The following YWHAZ variants were observed in gnomAD, a reference collection of about 807,000 sequenced individuals.
The protein encoded by YWHAZ is 14-3-3 protein zeta/delta.
For synonymous variants in YWHAZ, 87 were observed against 103.6 expected (o/e 0.84, Z 0.97); for missense variants, 79 against 284.8 (o/e 0.28, Z 5.20).
At chr8:100,949,771 C>A (rs1810573491) in intron 1 of YWHAZ, among the ~76,000 whole-genome samples, 1 of 152,238 alleles carries the variant, frequency 6.6e-6, no homozygotes, top group Non-Finnish European at 1.5e-5. Flanking sequence ...TGTTACCACT[C>A]AAGCTGTCCT....
chr8:100,951,354 G>A, intron 1 of YWHAZ: 6 of 984,642 alleles, frequency 6.1e-6, no homozygotes, highest in Non-Finnish European at 7.2e-6. Flanking sequence ...TCCCGGGGTG[G>A]GGGAGGGCCG....
At chr8:100,947,081 G>A (rs1204180033) in intron 2 of YWHAZ, among the ~76,000 whole-genome samples, 12 of 150,668 alleles carry the variant, frequency 8.0e-5, no homozygotes, top group Non-Finnish European at 1.8e-4. Context: ...GTGAAACCCC[G>A]TCTCTACTAA....
Position 100,928,468 on chromosome 8 carries a change from A to T in YWHAZ, c.295-3429T>A, listed in dbSNP as rs143972039. ...CATTTTCTGCCAGGTGTGGTGGTTC[A>T]TGCCTATAATCCCAGCACTTTGGGA... On this transcript the variant is annotated intron_variant, in intron 2 of 5. Transcript: ENST00000395958. 9.4e-3 allele frequency among the ~76,000 whole-genome samples: 1,427 copies of T among 152,312 alleles called. 21 individuals are homozygous for T. Among genetic ancestry groups the T allele is most frequent in the African/African-American group, 0.031 (1,303 of 41,570 alleles).
chr8:100,928,870 G>A (rs1459296296), intron 2 of YWHAZ, among the ~76,000 whole-genome samples: 1 of 152,164 alleles, frequency 6.6e-6, no homozygotes, highest in Non-Finnish European at 1.5e-5. Context: ...GGAAAGAACA[G>A]GACATGAATG....
At chr8:100,920,958 C>A (rs1290987012) in intron 5 of YWHAZ, among the ~76,000 whole-genome samples, 2 of 152,132 alleles carry the variant, frequency 1.3e-5, no homozygotes, top group Non-Finnish European at 2.9e-5. Flanking sequence ...GTTAAGTACA[C>A]CACAGAGTTG....
chr8:100,942,512 C>G (rs1256357479), intron 2 of YWHAZ, among the ~76,000 whole-genome samples: 3 of 152,160 alleles, frequency 2.0e-5, no homozygotes, highest in Non-Finnish European at 2.9e-5. Flanking sequence ...ACATTTGTGC[C>G]ATCTAAATAT....
intron 2 of YWHAZ, among the ~76,000 whole-genome samples, chr8:100,936,447 A>G (rs1224977385): frequency 6.6e-6 from 1 of 152,168 alleles, no homozygotes; most frequent in Non-Finnish European, 1.5e-5. Flanking sequence ...CTCCTAATAT[A>G]ATGCAGTGAG....
Position 100,924,838 on chromosome 8 carries a change from C to T in YWHAZ, c.418+78G>A. ...GCACTCTAAGCAATTCAAAACAAGA[C>T]ATTATGTACGCTTCAGAGACTCTTC... is the stretch of plus-strand genomic sequence containing the variant. On this transcript the variant is annotated intron_variant, in intron 3 of 5. Coordinates refer to ENST00000395958, the MANE Select transcript of YWHAZ (RefSeq NM_145690.3). This position sits in a 1 kb window ranked among gnomAD's most constrained non-coding sequence, Gnocchi z 5.7. 1 of 1,575,620 alleles carries T rather than the reference C, an allele frequency of 6.3e-7. No individual in the cohort carries two copies. The highest frequency in any genetic ancestry group is 1.8e-5 in the Admixed American group (1 of 55,668).
intron 1 of YWHAZ, chr8:100,951,719 A>T: frequency 2.0e-6 from 2 of 985,342 alleles, no homozygotes; most frequent in Non-Finnish European, 2.4e-6. Flanking sequence ...TCGATGCGGA[A>T]GCAAGGAGCC....
chr8:100,943,830 C>T (rs1810052219), intron 2 of YWHAZ, among the ~76,000 whole-genome samples: 1 of 151,832 alleles, frequency 6.6e-6, no homozygotes, highest in South Asian at 2.1e-4. Flanking sequence ...ACTAAAAATA[C>T]AATACAATTA....
intron 1 of YWHAZ, among the ~76,000 whole-genome samples, chr8:100,949,663 A>C (rs1810563338): frequency 6.6e-6 from 1 of 152,228 alleles, no homozygotes. Context: ...AATATATCAC[A>C]TTGGAAGTAC....
intron 2 of YWHAZ, among the ~76,000 whole-genome samples, chr8:100,928,185 CAGG>C (rs1813498339): frequency 6.6e-6 from 1 of 151,964 alleles, no homozygotes; most frequent in Non-Finnish European, 1.5e-5. Context: ...GAGACTGAGG[CAGG>C]AGAACAGTGT....
Position 100,925,015 on chromosome 8 carries a change from G to T in YWHAZ, c.319C>A (p.Pro107Thr). The T allele has an allele frequency of 6.2e-7, 1 of 1,613,340 alleles. No homozygotes were observed. The highest frequency in any genetic ancestry group is 8.5e-7 in the Non-Finnish European group (1 of 1,179,636). Residue 107 changes from proline (P) to threonine (T), a missense_variant, in exon 3 of 6, where the codon CCC becomes ACC. By Grantham distance (38) the Pro-to-Thr change is conservative (BLOSUM62 -1). Coordinates refer to ENST00000395958, the MANE Select transcript of YWHAZ (RefSeq NM_145690.3). Reference sequence around the variant, plus strand: ...TTGCTCTCTGCTTGTGAAGCATTGGGGATCAAGAACTTTTCCAAAAGAGAC... The same window carrying T: ...TTGCTCTCTGCTTGTGAAGCATTGGTGATCAAGAACTTTTCCAAAAGAGAC... ...VLSLLEKFLI[P>T]NASQAESKVF...
In YWHAZ at chr8:100,919,322, A is replaced by G. The variant is rs1307808061; in HGVS notation, c.*1371T>C. The G allele has an allele frequency of 6.5e-6, 1 of 152,698 alleles. No individual in the cohort carries two copies. The highest frequency in any genetic ancestry group is 2.4e-5 in the African/African-American group (1 of 41,470). The allele number at this position is 152,698 out of a possible 1,614,324, so 9.5% of individuals were successfully genotyped here. ...AAACCAAAAAGTGATTTGGAAGCAC[A>G]AAACTTACAGTTAATGCTACCCAAT... On this transcript the variant is annotated 3_prime_UTR_variant, in exon 6 of 6. Transcript: ENST00000395958.
rs1293129686 is a variant in YWHAZ, at chr8:100,950,303, C to A, written c.-11-1403G>T. 6.8e-6 allele frequency: 6 copies of A among 886,682 alleles called. No homozygotes were observed. In the African/African-American group the frequency reaches 9.1e-5, roughly 13 times the overall value. 54.9% of individuals were successfully genotyped at this position (886,682 alleles called of 1,614,324 possible). Reference sequence around the variant, plus strand: ...CAAAGGATTCTCTCCCCAATCACTTCGGTACAAGAGGAAGTGGATAAGGTT... The same window carrying A: ...CAAAGGATTCTCTCCCCAATCACTTAGGTACAAGAGGAAGTGGATAAGGTT... On this transcript the variant is annotated intron_variant, in intron 1 of 5. Transcript: ENST00000395958.
intron 2 of YWHAZ, among the ~76,000 whole-genome samples, chr8:100,947,140 G>C (rs1434221318): frequency 6.6e-6 from 1 of 151,358 alleles, no homozygotes; most frequent in African/African-American, 2.4e-5. Flanking sequence ...TGTAGTCTCA[G>C]CTATTCGGGA....
chr8:100,952,814 CCCCTCCCGGCCT>C, upstream of YWHAZ: 1 of 1,000,382 alleles, frequency 1.0e-6, no homozygotes, highest in Non-Finnish European at 1.2e-6. Flanking sequence ...GGGCGCGCGG[CCCCTCCCGGCCT>C]CCCTCCCGCC....
chr8:100,938,542 A>C (rs1223137557), intron 2 of YWHAZ, among the ~76,000 whole-genome samples: 2 of 152,242 alleles, frequency 1.3e-5, no homozygotes, highest in Non-Finnish European at 2.9e-5. Flanking sequence ...CCTCATTAAT[A>C]GATTTAATTC....
intron 2 of YWHAZ, among the ~76,000 whole-genome samples, chr8:100,937,451 T>G (rs2130253608): frequency 6.6e-6 from 1 of 152,320 alleles, no homozygotes; most frequent in Non-Finnish European, 1.5e-5. Context: ...ATATTAAATT[T>G]AATTCGCACA....
Sources: allele counts gnomAD v4.1 joint callset (sites outside exome capture counted in the v4.1 genomes callset), GRCh38; gene constraint gnomAD v4.1.1; non-coding constraint Gnocchi (gnomAD v3.1); transcripts MANE v1.5; gene names NCBI Gene and HGNC (gene_info 2026-07-23, HGNC 2026-07-21).